Variants in FBF1 observed in about 807,000 individuals in gnomAD.
The protein encoded by FBF1 is fas-binding factor 1.
Under a neutral mutation model 147.2 loss-of-function variants are expected in FBF1, and 119 were observed. The ratio of observed to expected loss-of-function variants is 0.81; its 90% CI spans 0.70 to 0.94. The LOEUF (loss-of-function observed/expected upper bound fraction) is 0.94, where lower values mean the gene tolerates loss of function less well. Among genes scored for constraint, FBF1 ranks in the 40% least tolerant of loss-of-function variants. FBF1 has a pLI of 0.00. For missense variants in FBF1, 1,449 were observed against 1,500.8 expected (o/e 0.97, Z 0.57); for synonymous variants, 601 against 609.0 (o/e 0.99, Z 0.19).
Position 75,928,235 on chromosome 17 carries a change from A to AG in FBF1, c.280-43dup. 1 of 1,544,824 alleles carries AG rather than the reference A, an allele frequency of 6.5e-7. No homozygotes were observed. The highest frequency in any genetic ancestry group is 8.9e-7 in the Non-Finnish European group (1 of 1,118,204). ...GGAGGGCAGAGGACTATGTCTGATA[A>AG]GGGGCTGAGGACTTCCACCTGAGAG... On this transcript the variant is annotated intron_variant, in intron 7 of 29. Coordinates refer to ENST00000636174, the MANE Select transcript of FBF1 (RefSeq NM_001319193.2). The surrounding 1 kb of genome is among the most constrained non-coding windows in gnomAD (Gnocchi z 4.2).
rs1237001131 is a variant in FBF1, at chr17:75,926,444, G to C, written c.596-18C>G. ...AGAGGGACCTGAAAGACAAAACAAG[G>C]CCCAATGCCTGCAGCCTTCTTGCCC... On this transcript the variant is annotated intron_variant, in intron 10 of 29. Transcript: ENST00000636174. 6.5e-7 allele frequency: 1 copy of C among 1,536,300 alleles called. No homozygotes were observed. Among genetic ancestry groups the C allele is most frequent in the East Asian group, 2.3e-5 (1 of 43,940 alleles).
intron 6 of FBF1, among the ~76,000 whole-genome samples, chr17:75,930,387 A>G (rs1184592686): frequency 6.6e-6 from 1 of 152,220 alleles, no homozygotes; most frequent in Non-Finnish European, 1.5e-5. Context: ...AGCAACATCT[A>G]AGACTCTAGC....
chr17:75,925,124 C>T lies in FBF1; in HGVS notation c.968+223G>A, dbSNP rs1255312147. Among the ~76,000 whole-genome samples the T allele has an allele frequency of 6.6e-6, 1 of 152,208 alleles. No homozygotes were observed. Among genetic ancestry groups the T allele is most frequent in the Non-Finnish European group, 1.5e-5 (1 of 68,028 alleles). On this transcript the variant is annotated intron_variant, in intron 13 of 29. Transcript: ENST00000636174. This position sits in a 1 kb window ranked among gnomAD's most constrained non-coding sequence, Gnocchi z 5.0. ...GTGGGGCACTGGCGAACCTGAGCAG[C>T]GTCTGGGATGGGGGTTCCCACTGGG...
chr17:75,927,923 AC>A, intron 8 of FBF1, among the ~76,000 whole-genome samples, 152 bp downstream of exon 8: 1 of 152,138 alleles, frequency 6.6e-6, no homozygotes, highest in Non-Finnish European at 1.5e-5. Flanking sequence ...TCAAACACAC[AC>A]ACGCACAAAT....
chr17:75,917,567 G>C (rs897804379), intron 23 of FBF1, among the ~76,000 whole-genome samples, 165 bp downstream of exon 23: 1 of 152,192 alleles, frequency 6.6e-6, no homozygotes, highest in South Asian at 2.1e-4. Flanking sequence ...GGTGGGCAGT[G>C]CTGAGAGCCT....
chr17:75,918,805 CTTTTTTTTTTT>C lies in FBF1; in HGVS notation c.2139-547_2139-537del, dbSNP rs548891338. ...CCACGCCCGGCCCCAAGCAGTCTTT[CTTTTTTTTTTT>C]TTTTTTCCTAGAGATGAGGTCTCAC... On this transcript the variant is annotated intron_variant, in intron 20 of 29. Transcript: ENST00000636174. The surrounding 1 kb of genome is among the most constrained non-coding windows in gnomAD (Gnocchi z 5.8). Among the ~76,000 whole-genome samples the C allele has an allele frequency of 7.6e-6, 1 of 131,728 alleles. No individual in the cohort carries two copies. Among genetic ancestry groups the C allele is most frequent in the African/African-American group, 2.8e-5 (1 of 36,308 alleles). The allele number at this position is 131,728 out of a possible 152,430, so 86.4% of individuals were successfully genotyped here. A position where few individuals can be genotyped will look rare whatever the true frequency, so the allele number is the denominator to read the frequency against.
intron 5 of FBF1, among the ~76,000 whole-genome samples, 189 bp from the exon 6 acceptor site, chr17:75,931,478 A>G (rs2065594283): frequency 6.6e-6 from 1 of 152,210 alleles, no homozygotes; most frequent in Non-Finnish European, 1.5e-5. Flanking sequence ...AACTGCTTCA[A>G]AAACAAATTG....
intron 1 of FBF1, among the ~76,000 whole-genome samples, chr17:75,939,295 C>CAAAAAAA (rs56272719): frequency 1.2e-5 from 1 of 82,976 alleles, no homozygotes; most frequent in Non-Finnish European, 2.5e-5. Flanking sequence ...ACTCTGTCTC[C>CAAAAAAA]AAAAAAAAAA....
rs772849899 is a variant in FBF1 at position 75,912,193 on chromosome 17, T to C, written c.3362A>G (p.Gln1121Arg). 3 of 1,605,902 alleles carry C rather than the reference T, an allele frequency of 1.9e-6. No individual in the cohort carries two copies. Among genetic ancestry groups the C allele is most frequent in the Non-Finnish European group, 2.5e-6 (3 of 1,176,978 alleles). ...TCCCCAAGGCCAGGAGAGACTCACC[T>C]GCTCTGCCATGTGCCTCAGCAGTGC... ...RLALLRHMAEQDRDFLENEQF... is the reference protein window; with the variant it reads ...RLALLRHMAERDRDFLENEQF... Residue 1121 changes from glutamine to arginine, a missense_variant and splice_region_variant, in exon 29 of 30, where the codon CAG becomes CGG. Coordinates refer to ENST00000636174, the MANE Select transcript of FBF1 (RefSeq NM_001319193.2).
rs767449183 is a variant in FBF1 at position 75,919,724 on chromosome 17, C to CA, written c.2081dup (p.Leu694PhefsTer60). 6.2e-7 allele frequency: 1 copy of CA among 1,613,056 alleles called. No individual in the cohort carries two copies. Among genetic ancestry groups the CA allele is most frequent in the Non-Finnish European group, 8.5e-7 (1 of 1,179,808 alleles). ...GGTCCTTCTCCTGCGCTATGGCCGC[C>CA]AAGCGCCGCTGGTGCTGGGCCGTAA... On this transcript the variant is annotated frameshift_variant, in exon 20 of 30. Coordinates refer to ENST00000636174, the MANE Select transcript of FBF1 (RefSeq NM_001319193.2). LOFTEE classifies it high-confidence loss of function. This position sits in a 1 kb window ranked among gnomAD's most constrained non-coding sequence, Gnocchi z 5.0.
At chr17:75,940,247 C>CTT (rs1293230064) in intron 1 of FBF1, among the ~76,000 whole-genome samples, 1 of 138,876 alleles carries the variant, frequency 7.2e-6, no homozygotes, top group African/African-American at 2.6e-5. Flanking sequence ...GGCCTTCTTT[C>CTT]TTTTTTTTTT....
rs930797209 is a variant in FBF1 at position 75,925,305 on chromosome 17, G to A, written c.968+42C>T. ...GCAGGGGCCTGTCTTCCCAGTGGCC[G>A]ACCTGTCTCAAGAGGCCAAGCCTCC... On this transcript the variant is annotated intron_variant, in intron 13 of 29. Transcript: ENST00000636174. The surrounding 1 kb of genome is among the most constrained non-coding windows in gnomAD (Gnocchi z 5.0). The A allele has an allele frequency of 1.6e-5, 24 of 1,534,638 alleles. No individual in the cohort carries two copies. The highest frequency in any genetic ancestry group is 9.6e-5 in the African/African-American group (7 of 72,982).
chr17:75,914,993 G>A, intron 24 of FBF1, 24 bp downstream of exon 24: 8 of 1,612,856 alleles, frequency 5.0e-6, no homozygotes, highest in Non-Finnish European at 6.8e-6. Context: ...AGGGGCAGGG[G>A]CTGAGTGCGG....
In FBF1 at chr17:75,919,956, T is replaced by C. The variant is rs2144164997; in HGVS notation, c.1931+51A>G. On this transcript the variant is annotated intron_variant, in intron 19 of 29. Transcript: ENST00000636174. The surrounding 1 kb of genome is among the most constrained non-coding windows in gnomAD (Gnocchi z 5.0). ...GCCTCTCCAGGCACACTGGGTGGCCTTTGGGGTCAGTGTGAGATCCAAGGC... is the reference window on the plus strand; with the variant it reads ...GCCTCTCCAGGCACACTGGGTGGCCCTTGGGGTCAGTGTGAGATCCAAGGC... 6.2e-7 allele frequency: 1 copy of C among 1,610,364 alleles called. No homozygotes were observed. The highest frequency in any genetic ancestry group is 2.2e-5 in the East Asian group (1 of 44,804).
intron 3 of FBF1, among the ~76,000 whole-genome samples, chr17:75,936,110 C>T (rs1461013457): frequency 6.6e-6 from 1 of 152,134 alleles, no homozygotes; most frequent in Non-Finnish European, 1.5e-5. Context: ...GTCAGGAGTT[C>T]GAGACCAGCC....
intron 28 of FBF1, chr17:75,913,421 T>G (rs1465327361): frequency 6.2e-6 from 2 of 323,004 alleles, no homozygotes; most frequent in Non-Finnish European, 1.1e-5. Flanking sequence ...GTGCTGAGAT[T>G]ATAGGCGTGA....
At chr17:75,926,677 G>A in intron 10 of FBF1, 81 bp downstream of exon 10, 4 of 1,545,788 alleles carry the variant, frequency 2.6e-6, no homozygotes, top group Non-Finnish European at 3.5e-6. Flanking sequence ...AGAGGCCTCT[G>A]GTTCTGCACC....
chr17:75,938,157 C>T lies in FBF1; in HGVS notation c.-8G>A. On this transcript the variant is annotated 5_prime_UTR_variant, in exon 2 of 30. Transcript: ENST00000636174. ...CTGAACTCTGCCTACCATCTCACGG[C>T]TCTCGGGGGTGCTCTCAGCTCCTTC... is the stretch of plus-strand genomic sequence containing the variant. 2 of 1,613,668 alleles carry T rather than the reference C, an allele frequency of 1.2e-6. No homozygotes were observed. The highest frequency in any genetic ancestry group is 1.7e-6 in the Non-Finnish European group (2 of 1,179,822).
chr17:75,926,116 C>T lies in FBF1; in HGVS notation c.782G>A (p.Arg261Gln), dbSNP rs200347075. Residue 261 changes from arginine (R) to glutamine (Q), a missense_variant, in exon 12 of 30, where the codon CGA (arginine) becomes CAA (glutamine). Transcript: ENST00000636174. ...ARSTLDELLG[R>Q]GMATKLLARP... Reference sequence around the variant, plus strand: ...GGCCAGGAGTTTGGTGGCCATGCCTCGACCCAGCAGCTCATCCAGCGTGGA... The same window carrying T: ...GGCCAGGAGTTTGGTGGCCATGCCTTGACCCAGCAGCTCATCCAGCGTGGA... The T allele has an allele frequency of 2.1e-4, 333 of 1,611,104 alleles. 1 individual carries two copies. The African/African-American group carries it at 3.9e-3, about 19-fold the overall frequency.
Sources: gnomAD v4.1 joint callset for allele counts (sites outside exome capture counted in the v4.1 genomes callset) on GRCh38, gnomAD v4.1.1 for gene constraint, Gnocchi (gnomAD v3.1) non-coding constraint, MANE v1.5 for transcripts, NCBI Gene and HGNC (gene_info 2026-07-23, HGNC 2026-07-21) for gene names.